Variants in PHACTR3 observed in about 807,000 individuals in gnomAD.
The protein encoded by PHACTR3 is phosphatase and actin regulator 3.
A neutral mutation model predicts 66.8 loss-of-function variants in PHACTR3; 16 were observed. That is an observed-to-expected ratio of 0.24 (90% CI 0.16 to 0.36). PHACTR3 has a LOEUF of 0.36. Ranked by LOEUF, PHACTR3 falls within the 10% of genes least tolerant of loss-of-function variation. PHACTR3 has a pLI of 1.00. For synonymous variants in PHACTR3, 323 were observed against 292.1 expected (o/e 1.11, Z -1.08); for missense variants, 647 against 719.9 (o/e 0.90, Z 1.16).
chr20:59,672,387 G>T (rs1231421512), intron 1 of PHACTR3, among the ~76,000 whole-genome samples: 8 of 152,214 alleles, frequency 5.3e-5, no homozygotes, highest in Admixed American at 5.2e-4. Context: ...ACCTCTCTCA[G>T]CTAGATGGAG....
intron 1 of PHACTR3, among the ~76,000 whole-genome samples, chr20:59,732,754 T>G (rs1438014846): frequency 6.6e-6 from 1 of 152,152 alleles, no homozygotes; most frequent in Non-Finnish European, 1.5e-5. Flanking sequence ...TGCTTCCATT[T>G]TTGTATCATG....
At chr20:59,598,977 G>A (rs564062832) in intron 1 of PHACTR3, among the ~76,000 whole-genome samples, 11 of 152,318 alleles carry the variant, frequency 7.2e-5, no homozygotes, top group South Asian at 2.1e-4. Flanking sequence ...GCCTGAGATC[G>A]TGGCTTGAGC....
intron 1 of PHACTR3, among the ~76,000 whole-genome samples, chr20:59,639,274 A>G (rs965654975): frequency 6.6e-6 from 1 of 152,180 alleles, no homozygotes; most frequent in Non-Finnish European, 1.5e-5. Context: ...AAGACATAGT[A>G]TTTGAGGGGG....
At chr20:59,667,730 C>T (rs2036040331) in intron 1 of PHACTR3, among the ~76,000 whole-genome samples, 1 of 152,200 alleles carries the variant, frequency 6.6e-6, no homozygotes, top group South Asian at 2.1e-4. Context: ...GAGGTGGCTC[C>T]ATTGCCAAGG....
intron 1 of PHACTR3, among the ~76,000 whole-genome samples, chr20:59,632,636 G>T (rs984557576): frequency 6.6e-6 from 1 of 152,208 alleles, no homozygotes; most frequent in African/African-American, 2.4e-5. Context: ...GCACCCCCGG[G>T]CTTCTCAGTT....
Position 59,847,274 on chromosome 20 carries a change from C to G in PHACTR3, c.*144C>G, listed in dbSNP as rs1021204663. On this transcript the variant is annotated 3_prime_UTR_variant, in exon 13 of 13. Transcript: ENST00000371015. ...GTAGGATCACACACACAGGTGCAAT[C>G]TTGACCACACTTACCTGCAAGAGGA... 1.9e-6 allele frequency: 1 copy of G among 530,968 alleles called. No homozygotes were observed. Among genetic ancestry groups the G allele is most frequent in the Non-Finnish European group, 3.4e-6 (1 of 291,084 alleles). 32.9% of individuals were successfully genotyped at this position (530,968 alleles called of 1,614,324 possible).
At chr20:59,841,628 C>T in intron 11 of PHACTR3, 93 bp downstream of exon 11, 2 of 1,347,982 alleles carry the variant, frequency 1.5e-6, no homozygotes, top group East Asian at 5.0e-5. Flanking sequence ...ACAATGGGAG[C>T]CCTCAACTAT....
At chr20:59,819,446 G>A (rs2041970460) in intron 8 of PHACTR3, among the ~76,000 whole-genome samples, 1 of 152,038 alleles carries the variant, frequency 6.6e-6, no homozygotes, top group African/African-American at 2.4e-5. Flanking sequence ...GAGGGAGAGA[G>A]GATGGCTTGA....
At chr20:59,809,370 C>A (rs930298055) in intron 8 of PHACTR3, among the ~76,000 whole-genome samples, 9 of 152,148 alleles carry the variant, frequency 5.9e-5, no homozygotes, top group African/African-American at 2.2e-4. Context: ...CCCAGGCTTT[C>A]ATTTCTGCAA....
At chr20:59,635,549 A>G (rs2034871222) in intron 1 of PHACTR3, among the ~76,000 whole-genome samples, 1 of 151,916 alleles carries the variant, frequency 6.6e-6, no homozygotes, top group African/African-American at 2.4e-5. Context: ...CTTGCTTTTT[A>G]TTATGTTTTT....
chr20:59,757,392 G>C (rs6027083), intron 4 of PHACTR3, among the ~76,000 whole-genome samples: 2 of 152,228 alleles, frequency 1.3e-5, no homozygotes, highest in Non-Finnish European at 2.9e-5. Flanking sequence ...ATTTGTATCA[G>C]GGACCCTCTC....
chr20:59,767,360 C>T lies in PHACTR3; in HGVS notation c.716C>T (p.Pro239Leu), dbSNP rs2040214187. 1.2e-6 allele frequency: 2 copies of T among 1,613,928 alleles called. No individual in the cohort carries two copies. The highest frequency in any genetic ancestry group is 2.2e-5 in the East Asian group (1 of 44,892). Residue 239 changes from proline to leucine, a missense_variant, in exon 5 of 13, where the codon CCC becomes CTC. By Grantham distance (98) the Pro-to-Leu change is moderately conservative. Transcript: ENST00000371015. ...CCCCCACTGCTGCCCACTCCGCCAC[C>T]CAAGGCAAGCTCCAAAACCACAAAA... is the stretch of plus-strand genomic sequence containing the variant. ...PSPPLLPTPP[P>L]KASSKTTKNV...
intron 2 of PHACTR3, among the ~76,000 whole-genome samples, chr20:59,746,548 G>A (rs1005945074): frequency 4.6e-5 from 7 of 152,252 alleles, no homozygotes; most frequent in Non-Finnish European, 8.8e-5. Context: ...TCTGCCCTCC[G>A]TGACTCCCCA....
chr20:59,644,351 A>T (rs1003904503), intron 1 of PHACTR3, among the ~76,000 whole-genome samples: 1 of 152,228 alleles, frequency 6.6e-6, no homozygotes, highest in East Asian at 1.9e-4. Flanking sequence ...TGTGATATAA[A>T]CAACAGATAT....
chr20:59,752,158 T>C (rs2039616665), intron 3 of PHACTR3, among the ~76,000 whole-genome samples: 1 of 152,168 alleles, frequency 6.6e-6, no homozygotes, highest in Non-Finnish European at 1.5e-5. Flanking sequence ...GGTTTCCATG[T>C]GGTAGGAACG....
chr20:59,844,104 A>T (rs2059111274), intron 11 of PHACTR3: 1 of 152,166 alleles, frequency 6.6e-6, no homozygotes, highest in African/African-American at 2.4e-5. Context: ...GGGAAATGCA[A>T]ATCAAAACCA....
intron 1 of PHACTR3, among the ~76,000 whole-genome samples, chr20:59,716,204 CTTTGTGTGTG>C (rs1293672302): frequency 8.3e-5 from 11 of 132,366 alleles, no homozygotes; most frequent in African/African-American, 2.4e-4. Context: ...TCCCTTCACC[CTTTGTGTGTG>C]TGTGTGTGTG....
intron 1 of PHACTR3, among the ~76,000 whole-genome samples, chr20:59,663,303 G>T (rs149903218): frequency 2.3e-3 from 348 of 152,288 alleles, no homozygotes; most frequent in African/African-American, 7.8e-3. Context: ...TATTCAACCT[G>T]CTACAGAGAG....
chr20:59,695,731 T>C lies in PHACTR3; in HGVS notation c.119-47376T>C, dbSNP rs567204038. 4.2e-4 allele frequency among the ~76,000 whole-genome samples: 56 copies of C among 132,502 alleles called. No homozygotes were observed. In the South Asian group the frequency reaches 0.011, roughly 26 times the overall value. The allele number at this position is 132,502 out of a possible 152,430, so 86.9% of individuals were successfully genotyped here. A position where few individuals can be genotyped will look rare whatever the true frequency, so the allele number is the denominator to read the frequency against. On this transcript the variant is annotated intron_variant, in intron 1 of 12. Coordinates refer to ENST00000371015, the MANE Select transcript of PHACTR3 (RefSeq NM_080672.5). ...AAGAGTATCTCTCTCCTAGAAGTTGTCTATTTTTTTTTTTTATTTGAGATG... is the reference window on the plus strand; with the variant it reads ...AAGAGTATCTCTCTCCTAGAAGTTGCCTATTTTTTTTTTTTATTTGAGATG...
Sources: gnomAD v4.1 joint callset for allele counts (sites outside exome capture counted in the v4.1 genomes callset) on GRCh38, gnomAD v4.1.1 for gene constraint, MANE v1.5 for transcripts, NCBI Gene and HGNC (gene_info 2026-07-23, HGNC 2026-07-21) for gene names.